Variants in DPY19L3 observed in about 807,000 individuals in gnomAD.
The protein encoded by DPY19L3 is protein C-mannosyl-transferase DPY19L3.
A neutral mutation model predicts 92.3 loss-of-function variants in DPY19L3; 51 were observed. The observed-to-expected ratio is 0.55, with a 90% CI of 0.44 to 0.70. The LOEUF (loss-of-function observed/expected upper bound fraction) is 0.70, where lower values mean the gene tolerates loss of function less well. DPY19L3 is among the 30% of genes least tolerant of loss of function. The pLI, the probability that DPY19L3 is intolerant of heterozygous loss-of-function variation, is 0.00. For missense variants in DPY19L3, 706 were observed against 855.9 expected, an observed-to-expected ratio of 0.82 and a Z score of 2.18; for synonymous variants, 309 against 315.2, an observed-to-expected ratio of 0.98 and a Z score of 0.21.
At chr19:32,481,856 G>A (rs1025806967) in intron 18 of DPY19L3, 2 of 506,984 alleles carry the variant, frequency 3.9e-6, no homozygotes, top group South Asian at 6.2e-5. Flanking sequence ...CCCGTTAATG[G>A]GATCATCGTG....
At chr19:32,447,986 T>A (rs1054384542) in intron 8 of DPY19L3, among the ~76,000 whole-genome samples, 1 of 151,984 alleles carries the variant, frequency 6.6e-6, no homozygotes, top group African/African-American at 2.4e-5. Context: ...GGTGGGTGGG[T>A]GTTGAGTGCT....
chr19:32,479,432 C>T (rs1970607387), intron 17 of DPY19L3, among the ~76,000 whole-genome samples: 1 of 152,080 alleles, frequency 6.6e-6, no homozygotes, highest in African/African-American at 2.4e-5. Flanking sequence ...CACTGACATC[C>T]TCAAGGCCCT....
rs375629668 is a variant in DPY19L3, at chr19:32,477,614, C to T, written c.1790C>T (p.Pro597Leu). ...ACGGGAAGGACCCTAACCAACCACC[C>T]GCACTATGAAGACAGCAGCCTGAGA... ...LCTGRTLTNHPHYEDSSLRER... is the reference protein window; with the variant it reads ...LCTGRTLTNHLHYEDSSLRER... The change falls in exon 17 of 19, where the codon CCG (proline) becomes CTG (leucine). Residue 597 changes from proline (P) to leucine (L), a missense_variant. Pro to Leu is a moderately conservative substitution (Grantham distance 98). Transcript: ENST00000392250. The T allele has an allele frequency of 3.1e-6, 5 of 1,614,146 alleles. No individual in the cohort carries two copies. Among genetic ancestry groups the T allele is most frequent in the Non-Finnish European group, 3.4e-6 (4 of 1,180,028 alleles).
chr19:32,427,616 C>T (rs552737180), intron 3 of DPY19L3, among the ~76,000 whole-genome samples: 33 of 152,264 alleles, frequency 2.2e-4, no homozygotes, highest in African/African-American at 7.2e-4. Flanking sequence ...TGAGTGTGGG[C>T]CCAGTGGAAG....
chr19:32,406,846 T>A (rs1967972145), intron 1 of DPY19L3, among the ~76,000 whole-genome samples: 1 of 152,152 alleles, frequency 6.6e-6, no homozygotes. Context: ...TTTAAAAAAG[T>A]CCTCTCACAC....
intron 3 of DPY19L3, among the ~76,000 whole-genome samples, chr19:32,418,529 T>C (rs1968454351): frequency 1.3e-5 from 2 of 152,212 alleles, no homozygotes; most frequent in Non-Finnish European, 2.9e-5. Context: ...AATATGTACA[T>C]ATTTTCTGTA....
rs546866911 is a variant in DPY19L3 at position 32,420,374 on chromosome 19, G to A, written c.237+9002G>A. Among the ~76,000 whole-genome samples, 61 of 152,242 alleles carry A rather than the reference G, an allele frequency of 4.0e-4. No individual in the cohort carries two copies. In the South Asian group the frequency reaches 5.2e-3, roughly 13 times the overall value. ...TTCCGGAGCTTGCCTTCAAGGATAC[G>A]ATATGGTTAGTCATGGCAGGTACAG... On this transcript the variant is annotated intron_variant, in intron 3 of 18. Transcript: ENST00000392250.
At chr19:32,456,739 C>CT (rs1439663278) in intron 10 of DPY19L3, among the ~76,000 whole-genome samples, 1 of 152,056 alleles carries the variant, frequency 6.6e-6, no homozygotes, top group Non-Finnish European at 1.5e-5. Flanking sequence ...CAGCCAAAAG[C>CT]TTTTTTTGAG....
intron 3 of DPY19L3, among the ~76,000 whole-genome samples, chr19:32,429,783 G>A (rs1312395825): frequency 6.6e-6 from 1 of 152,076 alleles, no homozygotes; most frequent in South Asian, 2.1e-4. Context: ...AATTAATGTT[G>A]TTGTTGTTGT....
chr19:32,439,183 A>G lies in DPY19L3; in HGVS notation c.668A>G (p.Gln223Arg). 1.9e-6 allele frequency: 3 copies of G among 1,613,718 alleles called. No homozygotes were observed. The highest frequency in any genetic ancestry group is 2.5e-6 in the Non-Finnish European group (3 of 1,179,676). ...TGGGCGCTGCCATTCTTTGCAATTC[A>G]GATAGCAGCAATTACATATTTCCTG... ...ENWALPFFAIQIAAITYFLRP... is the reference protein window; with the variant it reads ...ENWALPFFAIRIAAITYFLRP... The change falls in exon 7 of 19, where the codon CAG becomes CGG. Residue 223 changes from glutamine to arginine, a missense_variant. Coordinates refer to ENST00000392250, the MANE Select transcript of DPY19L3 (RefSeq NM_001172774.2).
intron 2 of DPY19L3, among the ~76,000 whole-genome samples, chr19:32,409,167 ACCTTAAACAAT>A: frequency 1.3e-5 from 2 of 152,196 alleles, no homozygotes; most frequent in South Asian, 2.1e-4. Context: ...CTTTCTGAAC[ACCTTAAACAAT>A]GCAAAGAAAA....
intron 8 of DPY19L3, among the ~76,000 whole-genome samples, chr19:32,442,818 A>C (rs2145513978): frequency 1.3e-5 from 2 of 152,278 alleles, no homozygotes; most frequent in South Asian, 4.1e-4. Context: ...TCCATCAGTA[A>C]AGTTCAGTGG....
chr19:32,447,811 ATAGAT>A (rs796731445), intron 8 of DPY19L3, among the ~76,000 whole-genome samples: 12 of 110,654 alleles, frequency 1.1e-4, no homozygotes, highest in Admixed American at 4.6e-4. Flanking sequence ...TCATAGATAG[ATAGAT>A]TAGATAGATA....
At chr19:32,433,590 T>C (rs1293482988) in intron 4 of DPY19L3, among the ~76,000 whole-genome samples, 1 of 151,980 alleles carries the variant, frequency 6.6e-6, no homozygotes, top group African/African-American at 2.4e-5. Flanking sequence ...TTTTTTGTTT[T>C]GTTTTGTTTC....
intron 1 of DPY19L3, among the ~76,000 whole-genome samples, chr19:32,407,511 C>T (rs976358868): frequency 1.3e-5 from 2 of 152,170 alleles, no homozygotes; most frequent in African/African-American, 4.8e-5. Context: ...TACTGAAGAC[C>T]TACTACCGCC....
At chr19:32,475,093 T>C (rs1031847766) in intron 16 of DPY19L3, among the ~76,000 whole-genome samples, 1 of 152,226 alleles carries the variant, frequency 6.6e-6, no homozygotes, top group African/African-American at 2.4e-5. Context: ...CCTTAATCAT[T>C]AGCTGTGGCT....
intron 8 of DPY19L3, among the ~76,000 whole-genome samples, chr19:32,447,048 A>G (rs1969523147): frequency 3.3e-5 from 5 of 152,228 alleles, no homozygotes; most frequent in Admixed American, 3.3e-4. Context: ...ATCAATACAG[A>G]AAGATAACAG....
At position 32,480,433 on chromosome 19, in the gene DPY19L3, A is replaced by T. The variant is rs143309124; in HGVS notation, c.1865A>T (p.Glu622Val). ...YQIYAKRAPE[E>V]VHALLRSFGT... ...ATATATGCCAAGAGGGCACCAGAGG[A>T]AGTGCATGCCCTCCTAAGGTCCTTC... The change falls in exon 18 of 19, where the codon GAA becomes GTA. Residue 622 changes from glutamate to valine, a missense_variant. Transcript: ENST00000392250. 1.5e-4 allele frequency: 235 copies of T among 1,613,516 alleles called. No individual in the cohort carries two copies. The highest frequency in any genetic ancestry group is 1.9e-4 in the Non-Finnish European group (228 of 1,179,842).
chr19:32,428,841 C>T (rs2017459), intron 3 of DPY19L3, among the ~76,000 whole-genome samples: 102,648 of 149,360 alleles, frequency 0.69, 36,567 homozygotes, highest in African/African-American at 0.88. Flanking sequence ...TGTTTTTTTT[C>T]TTGTTGTTGT....
Sources: allele counts gnomAD v4.1 joint callset (sites outside exome capture counted in the v4.1 genomes callset), GRCh38; gene constraint gnomAD v4.1.1; transcripts MANE v1.5; gene names NCBI Gene and HGNC (gene_info 2026-07-23, HGNC 2026-07-21).